The following RBFOX3 variants were observed in gnomAD, a reference collection of about 807,000 sequenced individuals.
RBFOX3 encodes RNA binding protein fox-1 homolog 3.
RBFOX3 carries 17 observed loss-of-function variants against 48.7 expected under a neutral mutation model. The ratio of observed to expected loss-of-function variants is 0.35; its 90% CI spans 0.24 to 0.52. The LOEUF (loss-of-function observed/expected upper bound fraction) is 0.52. RBFOX3 is among the 20% of genes least tolerant of loss of function. The pLI is 0.94. For missense variants in RBFOX3, 382 were observed against 497.5 expected (o/e 0.77, Z 2.21); for synonymous variants, 212 against 209.5 (o/e 1.01, Z -0.10).
chr17:79,558,337 C>T (rs1333439749), intron 1 of RBFOX3, among the ~76,000 whole-genome samples: 1 of 152,192 alleles, frequency 6.6e-6, no homozygotes, highest in Non-Finnish European at 1.5e-5. Context: ...GCCAGGATCT[C>T]CCGCCCTGTG....
At chr17:79,098,068 GGA>G in intron 9 of RBFOX3, 1 of 346,826 alleles carries the variant, frequency 2.9e-6, no homozygotes, top group Middle Eastern at 9.0e-4. Context: ...GAAGAGAACT[GGA>G]GAGGGAAAGT....
At chr17:79,466,340 G>A (rs550451834) in intron 2 of RBFOX3, among the ~76,000 whole-genome samples, 12 of 152,374 alleles carry the variant, frequency 7.9e-5, no homozygotes, top group South Asian at 6.2e-4. Context: ...AGCACAGGCA[G>A]TGGAAGGGAA....
At chr17:79,500,016 A>G (rs201731343) in intron 1 of RBFOX3, among the ~76,000 whole-genome samples, 130,209 of 152,156 alleles carry the variant, frequency 0.86, 56,300 homozygotes, top group Non-Finnish European at 0.9. Flanking sequence ...AGAGATGGTG[A>G]GCCATTTCCA....
At chr17:79,498,362 C>T (rs1226045271) in intron 1 of RBFOX3, among the ~76,000 whole-genome samples, 1 of 152,150 alleles carries the variant, frequency 6.6e-6, no homozygotes, top group Non-Finnish European at 1.5e-5. Flanking sequence ...AACAAAGCGC[C>T]ACCTGCCCAC....
intron 2 of RBFOX3, among the ~76,000 whole-genome samples, chr17:79,412,242 ATGTG>A (rs1464053656): frequency 2.0e-5 from 3 of 146,510 alleles, no homozygotes; most frequent in Non-Finnish European, 4.5e-5. Context: ...TGTGTGTGAT[ATGTG>A]TGAGTGTATG....
chr17:79,601,659 T>A (rs1463304182), intron 1 of RBFOX3: 1 of 152,186 alleles, frequency 6.6e-6, no homozygotes, highest in African/African-American at 2.4e-5. Flanking sequence ...AAGCAAAACA[T>A]ATCCGGAAGG....
chr17:79,570,202 A>AGATG (rs1419475432), intron 1 of RBFOX3, among the ~76,000 whole-genome samples: 1 of 150,262 alleles, frequency 6.7e-6, no homozygotes, highest in East Asian at 2.0e-4. Flanking sequence ...GATGGATAGT[A>AGATG]GATGGATGGA....
intron 1 of RBFOX3, among the ~76,000 whole-genome samples, chr17:79,609,813 G>C (rs1306383972): frequency 1.3e-5 from 2 of 151,980 alleles, no homozygotes; most frequent in Admixed American, 6.5e-5. Flanking sequence ...GGGAGGCTGC[G>C]ACCCCCAGCA....
intron 2 of RBFOX3, among the ~76,000 whole-genome samples, chr17:79,469,838 GT>G (rs1213416465): frequency 6.6e-6 from 1 of 152,206 alleles, no homozygotes; most frequent in Non-Finnish European, 1.5e-5. Flanking sequence ...GGGGGAGCAC[GT>G]GCACGGAGGA....
intron 1 of RBFOX3, among the ~76,000 whole-genome samples, chr17:79,494,243 C>T (rs1202757531): frequency 6.6e-6 from 1 of 152,186 alleles, no homozygotes; most frequent in Non-Finnish European, 1.5e-5. Context: ...GGGAACCTGT[C>T]CCCTCAGCAG....
At chr17:79,451,285 T>A (rs2073444493) in intron 2 of RBFOX3, among the ~76,000 whole-genome samples, 1 of 152,198 alleles carries the variant, frequency 6.6e-6, no homozygotes, top group Admixed American at 6.5e-5. Flanking sequence ...TTTATTCGGC[T>A]CAGTCAAGTG....
intron 1 of RBFOX3, among the ~76,000 whole-genome samples, chr17:79,523,724 C>A (rs2086431323): frequency 6.6e-6 from 1 of 152,184 alleles, no homozygotes; most frequent in Non-Finnish European, 1.5e-5. Flanking sequence ...GACTCACAAC[C>A]CCGTGGGGTA....
At chr17:79,653,731 T>C in the RBFOX3 span, among the ~76,000 whole-genome samples, 141,478 of 151,472 alleles carry the variant, frequency 0.93, 66,778 homozygotes, top group Non-Finnish European at 1. Context: ...ATTTGGAGCA[T>C]AATTTCAATT....
At position 79,334,869 on chromosome 17, in the gene RBFOX3, A is replaced by AC. The variant is rs969994437; in HGVS notation, c.-174-27046dup. ...GTGCCTGGCACGTAGCAAGTGTCTC[A>AC]CCCCCCAACCAGCCCAGCCCACCCT... On this transcript the variant is annotated intron_variant, in intron 2 of 14. Transcript: ENST00000693108. Among the ~76,000 whole-genome samples the AC allele has an allele frequency of 1.4e-4, 21 of 152,076 alleles. No homozygotes were observed. The South Asian group carries it at 4.0e-3, about 29-fold the overall frequency.
At chr17:79,420,519 G>A (rs996779287) in intron 2 of RBFOX3, among the ~76,000 whole-genome samples, 7 of 152,140 alleles carry the variant, frequency 4.6e-5, no homozygotes, top group African/African-American at 1.4e-4. Flanking sequence ...CCATGTCCAG[G>A]CTCTGTCCAG....
intron 4 of RBFOX3, among the ~76,000 whole-genome samples, chr17:79,124,718 T>C (rs532446118): frequency 4.2e-4 from 64 of 152,316 alleles, no homozygotes; most frequent in African/African-American, 1.3e-3. Context: ...GTGGCTGGCC[T>C]GCCAGGCCCG....
At chr17:79,429,130 C>T (rs1432347277) in intron 2 of RBFOX3, among the ~76,000 whole-genome samples, 3 of 152,222 alleles carry the variant, frequency 2.0e-5, no homozygotes, top group East Asian at 3.9e-4. Flanking sequence ...GCTGTGCACA[C>T]GTGTGCAGAG....
At chr17:79,633,348 G>A in the RBFOX3 span, among the ~76,000 whole-genome samples, 1 of 152,252 alleles carries the variant, frequency 6.6e-6, no homozygotes, top group Admixed American at 6.5e-5. Context: ...ACCACCAACC[G>A]GAGAAGCTCT....
chr17:79,295,675 C>T (rs2074222828), intron 3 of RBFOX3, among the ~76,000 whole-genome samples: 1 of 152,160 alleles, frequency 6.6e-6, no homozygotes, highest in African/African-American at 2.4e-5. Flanking sequence ...CACTTGGTTT[C>T]CTGTCCTGCC....
Sources: allele counts gnomAD v4.1 joint callset (sites outside exome capture counted in the v4.1 genomes callset), GRCh38; gene constraint gnomAD v4.1.1; transcripts MANE v1.5; gene names NCBI Gene and HGNC (gene_info 2026-07-23, HGNC 2026-07-21).